The following AQP4 variants were observed in gnomAD, a reference collection of about 807,000 sequenced individuals.
The protein encoded by AQP4 is aquaporin-4.
AQP4 carries 18 observed loss-of-function variants against 27.8 expected under a neutral mutation model. The ratio of observed to expected loss-of-function variants is 0.65; its 90% CI spans 0.45 to 0.96. The LOEUF is 0.96. AQP4 is among the 40% of genes least tolerant of loss of function. The probability of loss-of-function intolerance (pLI) is 0.00; values close to 1 mark genes in which losing one functional copy is unlikely to be tolerated. For missense variants in AQP4, 412 were observed against 408.2 expected, an observed-to-expected ratio of 1.01 and a Z score of -0.08; for synonymous variants, 141 against 142.9, an observed-to-expected ratio of 0.99 and a Z score of 0.10.
At chr18:26,865,037 G>A (rs2055032300) in intron 1 of AQP4, among the ~76,000 whole-genome samples, 1 of 137,672 alleles carries the variant, frequency 7.3e-6, no homozygotes, top group South Asian at 2.2e-4. Context: ...AATGTTTTTA[G>A]CTTTTTTTTT....
rs753171474 is a variant in AQP4, at chr18:26,860,866, G to A, written c.613-14C>T. On this transcript the variant is annotated splice_polypyrimidine_tract_variant and intron_variant, in intron 3 of 4. Transcript: ENST00000383168. ...AGTATAATTGATCTATAGGAAACAA[G>A]AAAACAACTTCAGACATTGCTGAAA... 5.0e-6 allele frequency: 8 copies of A among 1,611,920 alleles called. No individual in the cohort carries two copies. In the South Asian group the frequency reaches 8.8e-5, roughly 18 times the overall value.
chr18:26,864,255 T>C (rs186461395), intron 1 of AQP4, among the ~76,000 whole-genome samples: 112 of 152,150 alleles, frequency 7.4e-4, no homozygotes, highest in Non-Finnish European at 6.3e-4. Context: ...TCTGCGTGGG[T>C]AGTGAGGAAA....
At position 26,862,251 on chromosome 18, in the gene AQP4, G is replaced by A. The variant is rs1598516467; in HGVS notation, c.378C>T (p.Ala126=). 10 of 1,614,016 alleles carry A rather than the reference G, an allele frequency of 6.2e-6. No individual in the cohort carries two copies. The East Asian group carries it at 2.0e-4, about 32-fold the overall frequency. ...VFYIAAQCLG[A]IIGAGILYLV... The stretch of plus-strand genomic sequence containing the variant: ...GATAGAGGATTCCTGCTCCAATGAT[G>A]GCCCCCAGGCACTGGGCTGCGATGT... Residue 126 remains alanine (A), a synonymous_variant, in exon 2 of 5, where the codon GCC becomes GCT. Transcript: ENST00000383168.
At position 26,855,913 on chromosome 18, in the gene AQP4, C is replaced by A; in HGVS notation, c.*298G>T. 1 of 374,832 alleles carries A rather than the reference C, an allele frequency of 2.7e-6. No individual in the cohort carries two copies. 23.2% of individuals were successfully genotyped at this position (374,832 alleles called of 1,614,324 possible). A position where few individuals can be genotyped will look rare whatever the true frequency, so the allele number is the denominator to read the frequency against. ...TGAGTTCTGTCAGGCAAGACTTAAC[C>A]AAATCTTGACACACGGTTAAAATTG... On this transcript the variant is annotated 3_prime_UTR_variant, in exon 5 of 5. Transcript: ENST00000383168.
At chr18:26,862,146 T>C (rs1201885689) in intron 2 of AQP4, 36 bp downstream of exon 2, 1 of 1,610,426 alleles carries the variant, frequency 6.2e-7, no homozygotes, top group African/African-American at 1.3e-5. Flanking sequence ...TGCAAGAAGC[T>C]TGGAGTCCTA....
intron 1 of AQP4, chr18:26,863,088 G>A (rs72878776): frequency 0.087 from 16,131 of 186,122 alleles, 950 homozygotes; most frequent in Non-Finnish European, 0.12. Context: ...TCTGGATTAG[G>A]GGGAAGCCTT....
At chr18:26,858,114 A>G (rs1040591608) in intron 4 of AQP4, among the ~76,000 whole-genome samples, 10 of 151,182 alleles carry the variant, frequency 6.6e-5, no homozygotes, top group Admixed American at 1.3e-4. Flanking sequence ...TACAAAATAC[A>G]AAAAAAAATT....
intron 3 of AQP4, 27 bp from the exon 4 acceptor site, chr18:26,860,879 G>A (rs2054929252): frequency 6.2e-7 from 1 of 1,602,672 alleles, no homozygotes; most frequent in African/African-American, 1.3e-5. Flanking sequence ...AACAACTTCA[G>A]ACATTGCTGA....
chr18:26,860,584 A>T, intron 4 of AQP4, 188 bp downstream of exon 4: 1 of 599,264 alleles, frequency 1.7e-6, no homozygotes, highest in South Asian at 1.9e-5. Flanking sequence ...GATGTTTTAC[A>T]TCTCTTATCT....
chr18:26,859,565 A>G (rs890331309), intron 4 of AQP4, among the ~76,000 whole-genome samples: 1 of 152,156 alleles, frequency 6.6e-6, no homozygotes, highest in African/African-American at 2.4e-5. Context: ...AAAAATTTCC[A>G]TTTCTGTTAA....
chr18:26,858,369 T>C (rs1298600858), intron 4 of AQP4, among the ~76,000 whole-genome samples: 1 of 152,188 alleles, frequency 6.6e-6, no homozygotes, highest in Non-Finnish European at 1.5e-5. Context: ...TACTACACAC[T>C]CATTTGAAAA....
At chr18:26,864,565 C>A (rs1449606566) in intron 1 of AQP4, among the ~76,000 whole-genome samples, 1 of 152,110 alleles carries the variant, frequency 6.6e-6, no homozygotes, top group Non-Finnish European at 1.5e-5. Flanking sequence ...AGGGAGGGCA[C>A]CCTGGAGGAG....
chr18:26,859,413 C>T (rs546119988), intron 4 of AQP4, among the ~76,000 whole-genome samples: 8 of 152,166 alleles, frequency 5.3e-5, no homozygotes, highest in Non-Finnish European at 1.0e-4. Context: ...CCCAGCTACT[C>T]GGGAGGCTGA....
At position 26,862,165 on chromosome 18, in the gene AQP4, A is replaced by G. The variant is rs757007252; in HGVS notation, c.447+17T>C. The G allele has an allele frequency of 1.2e-6, 2 of 1,613,956 alleles. No individual in the cohort carries two copies. The highest frequency in any genetic ancestry group is 8.5e-7 in the Non-Finnish European group (1 of 1,179,870). The stretch of plus-strand genomic sequence containing the variant: ...AGAAGCTTGGAGTCCTAGTTTGAAA[A>G]TAGCTAAAGATGCTACCATGGTGAC... On this transcript the variant is annotated intron_variant, in intron 2 of 4. Coordinates refer to ENST00000383168, the MANE Select transcript of AQP4 (RefSeq NM_001650.7).
At chr18:26,859,201 T>A (rs2054895563) in intron 4 of AQP4, among the ~76,000 whole-genome samples, 1 of 152,230 alleles carries the variant, frequency 6.6e-6, no homozygotes, top group South Asian at 2.1e-4. Flanking sequence ...CAATTTAATA[T>A]GTTGAACTGA....
intron 4 of AQP4, among the ~76,000 whole-genome samples, chr18:26,858,805 G>A (rs536698755): frequency 6.6e-6 from 1 of 152,110 alleles, no homozygotes; most frequent in Non-Finnish European, 1.5e-5. Flanking sequence ...ATTTCAAAAT[G>A]AAGTCATATG....
At chr18:26,858,560 C>T (rs1280976096) in intron 4 of AQP4, among the ~76,000 whole-genome samples, 2 of 152,142 alleles carry the variant, frequency 1.3e-5, no homozygotes, top group Non-Finnish European at 2.9e-5. Context: ...CATGAAAAAA[C>T]CCATATGAGC....
chr18:26,855,506 C>T lies in AQP4; in HGVS notation c.*705G>A, dbSNP rs1385527388. On this transcript the variant is annotated 3_prime_UTR_variant, in exon 5 of 5. Transcript: ENST00000383168. ...TTTTACGAGTCTGCTTGTCTTGAATCTCAATAGGTGCCCTTATGATTTGGG... is the reference window on the plus strand; with the variant it reads ...TTTTACGAGTCTGCTTGTCTTGAATTTCAATAGGTGCCCTTATGATTTGGG... 6.6e-6 allele frequency: 1 copy of T among 152,360 alleles called. No individual in the cohort carries two copies. The highest frequency in any genetic ancestry group is 2.4e-5 in the African/African-American group (1 of 41,410). The allele number at this position is 152,360 out of a possible 1,614,324, so 9.4% of individuals were successfully genotyped here.
Position 26,856,318 on chromosome 18 carries a change from T to A in AQP4, c.865A>T (p.Thr289Ser), listed in dbSNP as rs563427443. The change falls in exon 5 of 5, where the codon ACG becomes TCG. Residue 289 changes from threonine to serine, a missense_variant. Thr to Ser is a moderately conservative substitution (Grantham distance 58). Transcript: ENST00000383168. ...CCAGGTTTTAGAATCAGGTCATCCG[T>A]CTCTACCTGACTCCTGTTGTCCTCC... is the stretch of plus-strand genomic sequence containing the variant. The part of the protein sequence containing the change: ...EVEDNRSQVE[T>S]DDLILKPGVV... The A allele has an allele frequency of 2.5e-6, 4 of 1,614,194 alleles. No homozygotes were observed. The South Asian group carries it at 4.4e-5, about 18-fold the overall frequency.
Sources: allele counts gnomAD v4.1 joint callset (sites outside exome capture counted in the v4.1 genomes callset), GRCh38; gene constraint gnomAD v4.1.1; transcripts MANE v1.5; gene names NCBI Gene and HGNC (gene_info 2026-07-23, HGNC 2026-07-21).